The following GPR158 variants were observed in gnomAD, a reference collection of about 807,000 sequenced individuals.
The protein encoded by GPR158 is G protein-coupled receptor 158.
Under a neutral mutation model 78.2 loss-of-function variants are expected in GPR158, and 30 were observed. That is an observed-to-expected ratio of 0.38 (90% CI 0.29 to 0.52). The LOEUF is 0.52. Ranked by LOEUF, GPR158 falls within the 20% of genes least tolerant of loss-of-function variation. The pLI is 0.83. For missense variants in GPR158, 1,463 were observed against 1,523.5 expected (o/e 0.96, Z 0.66); for synonymous variants, 581 against 591.1 (o/e 0.98, Z 0.25).
intron 6 of GPR158, among the ~76,000 whole-genome samples, chr10:25,555,867 T>C (rs1391040614): frequency 1.3e-5 from 2 of 152,248 alleles, no homozygotes; most frequent in Non-Finnish European, 2.9e-5. Context: ...CAGTACTCTT[T>C]GCTCTGGGTA....
chr10:25,202,232 G>T (rs1852939685), intron 1 of GPR158, among the ~76,000 whole-genome samples: 1 of 151,944 alleles, frequency 6.6e-6, no homozygotes, highest in Non-Finnish European at 1.5e-5. Flanking sequence ...AATACTGGGA[G>T]GCTGTATGTC....
intron 1 of GPR158, among the ~76,000 whole-genome samples, chr10:25,209,186 G>T (rs1193516644): frequency 6.6e-6 from 1 of 152,032 alleles, no homozygotes; most frequent in African/African-American, 2.4e-5. Flanking sequence ...TCTCTTTTAT[G>T]TGTAATATGT....
intron 7 of GPR158, among the ~76,000 whole-genome samples, chr10:25,574,305 G>T (rs947303748): frequency 6.6e-6 from 1 of 152,000 alleles, no homozygotes. Flanking sequence ...GATCATATTT[G>T]TGATTTCTAT....
At chr10:25,328,533 A>G (rs936712446) in intron 2 of GPR158, among the ~76,000 whole-genome samples, 2 of 152,204 alleles carry the variant, frequency 1.3e-5, no homozygotes, top group Admixed American at 1.3e-4. Context: ...GAATTCCTAA[A>G]GAACATATTC....
chr10:25,498,219 A>G (rs1835908965), intron 5 of GPR158, among the ~76,000 whole-genome samples: 1 of 152,158 alleles, frequency 6.6e-6, no homozygotes, highest in African/African-American at 2.4e-5. Flanking sequence ...GTTCCCTTTC[A>G]GTTACAGTCT....
intron 6 of GPR158, among the ~76,000 whole-genome samples, chr10:25,563,470 ATTTGT>A (rs1161996543): frequency 6.6e-6 from 1 of 151,896 alleles, no homozygotes; most frequent in East Asian, 1.9e-4. Flanking sequence ...CCATTTTGTG[ATTTGT>A]TTTTATATAT....
chr10:25,464,349 C>T (rs1407011400), intron 4 of GPR158, among the ~76,000 whole-genome samples: 2 of 152,080 alleles, frequency 1.3e-5, no homozygotes, highest in Non-Finnish European at 2.9e-5. Flanking sequence ...TGGGAAGGTC[C>T]CCCACTCGAG....
intron 2 of GPR158, among the ~76,000 whole-genome samples, chr10:25,387,737 A>C (rs1436249336): frequency 6.6e-6 from 1 of 151,974 alleles, no homozygotes; most frequent in Non-Finnish European, 1.5e-5. Flanking sequence ...GATGGTCTCG[A>C]TCTCCTGACC....
chr10:25,377,083 G>C (rs946524257), intron 2 of GPR158, among the ~76,000 whole-genome samples: 1 of 151,660 alleles, frequency 6.6e-6, no homozygotes, highest in African/African-American at 2.4e-5. Flanking sequence ...GTATCTTTGA[G>C]CATTTTTAGC....
chr10:25,582,117 G>A (rs1338519893), intron 7 of GPR158, among the ~76,000 whole-genome samples: 1 of 152,086 alleles, frequency 6.6e-6, no homozygotes, highest in African/African-American at 2.4e-5. Context: ...GGTGGGGTGG[G>A]GGGTCTCTCC....
chr10:25,458,554 T>C (rs995395941), intron 4 of GPR158, among the ~76,000 whole-genome samples: 1 of 152,210 alleles, frequency 6.6e-6, no homozygotes, highest in African/African-American at 2.4e-5. Context: ...TTCCTCTATC[T>C]GTACTTGAAA....
intron 1 of GPR158, among the ~76,000 whole-genome samples, chr10:25,177,662 C>T (rs892887398): frequency 2.6e-5 from 4 of 152,098 alleles, no homozygotes; most frequent in African/African-American, 4.8e-5. Flanking sequence ...CTTATCTGTC[C>T]AGTGAGGGAG....
At chr10:25,464,842 T>C (rs1346804193) in intron 4 of GPR158, among the ~76,000 whole-genome samples, 1 of 152,212 alleles carries the variant, frequency 6.6e-6, no homozygotes, top group Non-Finnish European at 1.5e-5. Context: ...ACTATGCAAA[T>C]GTACCTTGCC....
chr10:25,548,887 A>G (rs928692021), intron 5 of GPR158, among the ~76,000 whole-genome samples: 2 of 152,176 alleles, frequency 1.3e-5, no homozygotes, highest in African/African-American at 4.8e-5. Flanking sequence ...ACTTATATTA[A>G]CAAGTCCTGA....
At chr10:25,254,747 T>A (rs552665902) in intron 2 of GPR158, among the ~76,000 whole-genome samples, 16 of 152,362 alleles carry the variant, frequency 1.1e-4, no homozygotes, top group African/African-American at 3.1e-4. Context: ...GATTGGAGAC[T>A]GAAACTTCTT....
At chr10:25,234,659 T>C (rs1853497740) in intron 2 of GPR158, among the ~76,000 whole-genome samples, 1 of 152,204 alleles carries the variant, frequency 6.6e-6, no homozygotes, top group Non-Finnish European at 1.5e-5. Flanking sequence ...TCTGCAGCCC[T>C]AAGTGTATAT....
intron 2 of GPR158, among the ~76,000 whole-genome samples, chr10:25,225,101 T>G (rs184878823): frequency 2.0e-5 from 3 of 152,188 alleles, no homozygotes; most frequent in Admixed American, 6.5e-5. Flanking sequence ...TGTTGTTGTT[T>G]TTTAAATACC....
chr10:25,571,092 TGCCAGTGTTAGCGTTC>T (rs11272881), intron 6 of GPR158, among the ~76,000 whole-genome samples: 41,600 of 151,978 alleles, frequency 0.27, 10,612 homozygotes, highest in African/African-American at 0.65. Flanking sequence ...AGATATTACC[TGCCAGTGTTAGCGTTC>T]GCCAGTGTTA....
At chr10:25,553,307 A>T in intron 6 of GPR158, among the ~76,000 whole-genome samples, 1 of 152,178 alleles carries the variant, frequency 6.6e-6, no homozygotes, top group East Asian at 1.9e-4. Context: ...TGAAATTAAA[A>T]CTATTCGAAA....
Sources: gnomAD v4.1 joint callset for allele counts (sites outside exome capture counted in the v4.1 genomes callset) on GRCh38, gnomAD v4.1.1 for gene constraint, MANE v1.5 for transcripts, NCBI Gene and HGNC (gene_info 2026-07-23, HGNC 2026-07-21) for gene names.